The following FAM13B variants were observed in gnomAD, a reference collection of about 807,000 sequenced individuals.
FAM13B encodes the protein family with sequence similarity 13 member B.
In FAM13B, 60 loss-of-function variants were observed where a neutral mutation model predicts 117.3. That is an observed-to-expected ratio of 0.51 (90% CI 0.42 to 0.63). The LOEUF (loss-of-function observed/expected upper bound fraction) is 0.63. FAM13B is among the 30% of genes least tolerant of loss of function. FAM13B has a pLI of 0.00. For synonymous variants in FAM13B, 332 were observed against 356.1 expected, an observed-to-expected ratio of 0.93 and a Z score of 0.76; for missense variants, 972 against 1,091.9, an observed-to-expected ratio of 0.89 and a Z score of 1.55.
intron 1 of FAM13B, among the ~76,000 whole-genome samples, chr5:138,048,046 A>G (rs1791692430): frequency 6.6e-6 from 1 of 152,198 alleles, no homozygotes; most frequent in Non-Finnish European, 1.5e-5. Flanking sequence ...GCTAGTACCT[A>G]ATGCCTTTTA....
At chr5:138,025,081 C>T (rs113098003) in intron 1 of FAM13B, among the ~76,000 whole-genome samples, 3 of 151,698 alleles carry the variant, frequency 2.0e-5, no homozygotes, top group African/African-American at 7.3e-5. Context: ...ACCACGTTGG[C>T]CAGGCTGGTA....
At chr5:138,016,199 G>A (rs1008926873) in intron 4 of FAM13B, among the ~76,000 whole-genome samples, 3 of 152,096 alleles carry the variant, frequency 2.0e-5, no homozygotes, top group Non-Finnish European at 2.9e-5. Flanking sequence ...GGGTAAATGC[G>A]CAATTTTTGA....
At chr5:138,008,673 CATT>C (rs1783160192) in intron 6 of FAM13B, among the ~76,000 whole-genome samples, 1 of 152,166 alleles carries the variant, frequency 6.6e-6, no homozygotes, top group South Asian at 2.1e-4. Flanking sequence ...TAATGCCTAT[CATT>C]ATAACTGAAA....
At chr5:138,038,347 A>G (rs1395133604) in intron 1 of FAM13B, among the ~76,000 whole-genome samples, 1 of 152,208 alleles carries the variant, frequency 6.6e-6, no homozygotes, top group African/African-American at 2.4e-5. Flanking sequence ...ACAGATAGGA[A>G]GCCATCATTA....
At chr5:138,000,835 G>A (rs1409844777) in intron 7 of FAM13B, among the ~76,000 whole-genome samples, 1 of 151,402 alleles carries the variant, frequency 6.6e-6, no homozygotes, top group African/African-American at 2.4e-5. Context: ...GGTGGCTGAG[G>A]CGCAATAATC....
At chr5:137,954,044 T>TC in intron 15 of FAM13B, 122 bp downstream of exon 15, 1 of 397,814 alleles carries the variant, frequency 2.5e-6, no homozygotes, top group East Asian at 5.0e-5. Flanking sequence ...TCTCTCTCTT[T>TC]TTTTTTTTTT....
At chr5:138,035,697 A>G (rs1791089519), upstream of FAM13B, among the ~76,000 whole-genome samples, 1 of 152,178 alleles carries the variant, frequency 6.6e-6, no homozygotes, top group Admixed American at 6.5e-5. Context: ...CAGTTGTCTC[A>G]TTGCTTGCCC....
intron 14 of FAM13B, chr5:137,954,742 A>C (rs1766012263): frequency 6.5e-6 from 1 of 153,950 alleles, no homozygotes; most frequent in Non-Finnish European, 1.4e-5. Flanking sequence ...TAGCCTCCCG[A>C]GTAGCTGGGA....
chr5:138,009,915 A>T (rs1351516479), intron 6 of FAM13B, among the ~76,000 whole-genome samples: 1 of 152,104 alleles, frequency 6.6e-6, no homozygotes, highest in Non-Finnish European at 1.5e-5. Context: ...GAAGGCTTTT[A>T]AAACTGAGAA....
intron 17 of FAM13B, among the ~76,000 whole-genome samples, chr5:137,952,284 T>G (rs1765249425): frequency 6.6e-6 from 1 of 152,126 alleles, no homozygotes; most frequent in South Asian, 2.1e-4. Context: ...TAATGAAATA[T>G]CCAACAAAAC....
intron 10 of FAM13B, among the ~76,000 whole-genome samples, chr5:137,974,579 T>A (rs1481827049): frequency 6.8e-6 from 1 of 146,522 alleles, no homozygotes; most frequent in Non-Finnish European, 1.5e-5. Context: ...CTGCACATTG[T>A]GCACATGTAC....
At chr5:138,031,058 A>G (rs1789854834) in intron 1 of FAM13B, among the ~76,000 whole-genome samples, 1 of 152,032 alleles carries the variant, frequency 6.6e-6, no homozygotes, top group Non-Finnish European at 1.5e-5. Flanking sequence ...AGTAATTTAC[A>G]CTATTATAGT....
chr5:137,989,453 C>T (rs1581186983), intron 7 of FAM13B, among the ~76,000 whole-genome samples: 1 of 152,186 alleles, frequency 6.6e-6, no homozygotes, highest in Non-Finnish European at 1.5e-5. Flanking sequence ...TGCTAGTTTC[C>T]AATGAATGGA....
upstream of FAM13B, among the ~76,000 whole-genome samples, chr5:138,034,818 A>C (rs150053464): frequency 3.9e-3 from 599 of 152,086 alleles, 3 homozygotes; most frequent in African/African-American, 0.011. Flanking sequence ...ATTGCTTCAA[A>C]AGCTTTATCA....
chr5:137,978,601 C>CT (rs1193739475), intron 10 of FAM13B, among the ~76,000 whole-genome samples: 1 of 152,112 alleles, frequency 6.6e-6, no homozygotes, highest in African/African-American at 2.4e-5. Flanking sequence ...CTCCCACCAC[C>CT]TTTTTTCCTC....
At chr5:138,008,504 T>G (rs921940797) in intron 6 of FAM13B, among the ~76,000 whole-genome samples, 1 of 152,184 alleles carries the variant, frequency 6.6e-6, no homozygotes, top group African/African-American at 2.4e-5. Context: ...AATACCTATA[T>G]TCACACATCC....
intron 1 of FAM13B, among the ~76,000 whole-genome samples, chr5:138,048,909 G>T (rs1291075279): frequency 6.7e-6 from 1 of 148,864 alleles, no homozygotes; most frequent in South Asian, 2.1e-4. Context: ...AAAAATCAGA[G>T]AATTCTGAAG....
intron 10 of FAM13B, among the ~76,000 whole-genome samples, chr5:137,981,407 A>G (rs1421359183): frequency 6.6e-6 from 1 of 152,088 alleles, no homozygotes; most frequent in East Asian, 1.9e-4. Context: ...TGATCATACC[A>G]CTGCACTCCA....
At chr5:138,005,558 G>A (rs901421469) in intron 7 of FAM13B, among the ~76,000 whole-genome samples, 136 of 151,108 alleles carry the variant, frequency 9.0e-4, no homozygotes, top group African/African-American at 3.2e-3. Context: ...TTAAATATCT[G>A]AACATATAGA....
Sources: gnomAD v4.1 joint callset for allele counts (sites outside exome capture counted in the v4.1 genomes callset) on GRCh38, gnomAD v4.1.1 for gene constraint, MANE v1.5 for transcripts, NCBI Gene and HGNC (gene_info 2026-07-23, HGNC 2026-07-21) for gene names.